The following MUC17 variants were observed in gnomAD, a reference collection of about 807,000 sequenced individuals.
MUC17 encodes the protein mucin 17, cell surface associated.
A neutral mutation model predicts 170.3 loss-of-function variants in MUC17; 190 were observed. That is an observed-to-expected ratio of 1.12 (90% CI 0.99 to 1.26). MUC17 has a LOEUF of 1.26. MUC17 is among the 50% of genes most tolerant of loss of function. MUC17 has a pLI of 0.00. For synonymous variants in MUC17, 2,325 were observed against 2,002.5 expected (o/e 1.16, Z -4.30); for missense variants, 6,415 against 5,530.0 (o/e 1.16, Z -5.08).
chr7:101,042,536 C>T lies in MUC17; in HGVS notation c.11120C>T (p.Thr3707Ile), dbSNP rs1481922197. The T allele has an allele frequency of 1.9e-6, 3 of 1,614,072 alleles. No individual in the cohort carries two copies. Among genetic ancestry groups the T allele is most frequent in the East Asian group, 2.2e-5 (1 of 44,862 alleles). The change falls in exon 3 of 13, where the codon ACC becomes ATC. Residue 3707 changes from threonine to isoleucine, a missense_variant. By Grantham distance (89) the Thr-to-Ile change is moderately conservative. Coordinates refer to ENST00000306151, the MANE Select transcript of MUC17 (RefSeq NM_001040105.2). The part of the protein sequence containing the change: ...TTMPVSTTRV[T>I]SSEGSTLSTP... ...ATGCCTGTCAGCACCACACGTGTGA[C>T]CAGCTCTGAGGGTAGCACCCTTTCA... is the stretch of plus-strand genomic sequence containing the variant.
chr7:101,033,252 A>G lies in MUC17; in HGVS notation c.1836A>G (p.Thr612=), dbSNP rs1176705889. 24 of 1,614,092 alleles carry G rather than the reference A, an allele frequency of 1.5e-5. No individual in the cohort carries two copies. Among genetic ancestry groups the G allele is most frequent in the Non-Finnish European group, 2.0e-5 (24 of 1,180,030 alleles). Residue 612 remains threonine (T), a synonymous_variant, in exon 3 of 13, where the codon ACA becomes ACG. Transcript: ENST00000306151. The part of the protein sequence containing the change: ...TTSSEASSSS[T]TAEGTSMPTS... ...CTAGTGAAGCTAGTTCATCTTCTAC[A>G]ACTGCTGAAGGTACCAGCATGCCAA...
intron 1 of MUC17, among the ~76,000 whole-genome samples, chr7:101,030,230 C>CTTTTT (rs57980303): frequency 2.2e-5 from 3 of 136,188 alleles, no homozygotes; most frequent in African/African-American, 5.4e-5. Context: ...ACAATGTTGG[C>CTTTTT]TTTTTTTTTT....
At position 101,036,111 on chromosome 7, in the gene MUC17, C is replaced by A. The variant is rs1048874635; in HGVS notation, c.4695C>A (p.Thr1565=). The A allele has an allele frequency of 1.9e-6, 3 of 1,612,210 alleles. No individual in the cohort carries two copies. The highest frequency in any genetic ancestry group is 2.7e-5 in the African/African-American group (2 of 74,976). ...PTTADGTSMQ[T]STYSEGSTPL... is the part of the protein sequence containing the mutation. ...CTGCTGACGGTACCAGCATGCAAACCTCAACTTATAGTGAAGGAAGCACTC... is the reference window on the plus strand; with the variant it reads ...CTGCTGACGGTACCAGCATGCAAACATCAACTTATAGTGAAGGAAGCACTC... Residue 1565 remains threonine (T), a synonymous_variant, in exon 3 of 13, where the codon ACC becomes ACA. Coordinates refer to ENST00000306151, the MANE Select transcript of MUC17 (RefSeq NM_001040105.2).
chr7:101,040,891 C>T lies in MUC17; in HGVS notation c.9475C>T (p.Pro3159Ser), dbSNP rs59164007. The T allele has an allele frequency of 9.7e-4, 1,571 of 1,613,450 alleles. 10 individuals are homozygous for T. The African/African-American group carries it at 0.017, about 17-fold the overall frequency. ...SEGTSMPTST[P>S]SEGSTPLTYM... ...AGGTACCAGCATGCCAACCTCAACT[C>T]CTAGTGAAGGAAGTACTCCATTAAC... is the stretch of plus-strand genomic sequence containing the variant. The change falls in exon 3 of 13, where the codon CCT becomes TCT. Residue 3159 changes from proline (P) to serine (S), a missense_variant. Coordinates refer to ENST00000306151, the MANE Select transcript of MUC17 (RefSeq NM_001040105.2).
Position 101,034,840 on chromosome 7 carries a change from C to A in MUC17, c.3424C>A (p.Pro1142Thr). 1 of 1,609,848 alleles carries A rather than the reference C, an allele frequency of 6.2e-7. No individual in the cohort carries two copies. Among genetic ancestry groups the A allele is most frequent in the South Asian group, 1.1e-5 (1 of 90,944 alleles). Reference sequence around the variant, plus strand: ...CACTTCTACTGAAGCCAGTTCATCTCCTACAACTGCTGAAGGTACCAGCAT... The same window carrying A: ...CACTTCTACTGAAGCCAGTTCATCTACTACAACTGCTGAAGGTACCAGCAT... ...VTTSTEASSS[P>T]TTAEGTSIPT... Residue 1142 changes from proline to threonine, a missense_variant, in exon 3 of 13, where the codon CCT (proline) becomes ACT (threonine). Coordinates refer to ENST00000306151, the MANE Select transcript of MUC17 (RefSeq NM_001040105.2).
chr7:101,046,316 C>T (rs1562821053), intron 3 of MUC17, among the ~76,000 whole-genome samples: 1 of 152,198 alleles, frequency 6.6e-6, no homozygotes, highest in Admixed American at 6.5e-5. Context: ...AGACAAAATA[C>T]ACCTTGAATA....
At chr7:101,046,269 T>A (rs1584874026) in intron 3 of MUC17, among the ~76,000 whole-genome samples, 1 of 152,140 alleles carries the variant, frequency 6.6e-6, no homozygotes, top group Non-Finnish European at 1.5e-5. Context: ...GTGAGGCAGG[T>A]CTTTGCAGAG....
rs777280396 is a variant in MUC17, at chr7:101,037,862, C to G, written c.6446C>G (p.Thr2149Ser). ...TCATCTCCTATACCTACTGAAGGTA[C>G]CAGCATGCAAACCTCAACTTATAGT... The part of the protein sequence containing the change: ...VSSSPIPTEG[T>S]SMQTSTYSDR... Residue 2149 changes from threonine to serine, a missense_variant, in exon 3 of 13, where the codon ACC (threonine) becomes AGC (serine). Coordinates refer to ENST00000306151, the MANE Select transcript of MUC17 (RefSeq NM_001040105.2). 5.0e-6 allele frequency: 8 copies of G among 1,610,852 alleles called. No homozygotes were observed. The highest frequency in any genetic ancestry group is 1.3e-5 in the African/African-American group (1 of 74,778).
Position 101,035,510 on chromosome 7 carries a change from G to C in MUC17, c.4094G>C (p.Ser1365Thr). 1 of 1,596,288 alleles carries C rather than the reference G, an allele frequency of 6.3e-7. No individual in the cohort carries two copies. The change falls in exon 3 of 13, where the codon AGC becomes ACC. Residue 1365 changes from serine to threonine, a missense_variant. Ser to Thr is a moderately conservative substitution (Grantham distance 58). Transcript: ENST00000306151. ...SILSTTPVDN[S>T]TPVTTSTEAC... The stretch of plus-strand genomic sequence containing the variant: ...CTTTCAACAACTCCTGTTGACAACA[G>C]CACACCTGTGACCACTTCTACTGAA...
Position 101,042,523 on chromosome 7 carries a change from AC to A in MUC17, c.11109del (p.Thr3704HisfsTer3). ...TCCATTAACAACTATGCCTGTCAGC[AC>A]CACACGTGTGACCAGCTCTGAGGGT... ...STPLTTMPVS[T>X]TRVTSSEGST... On this transcript the variant is annotated frameshift_variant, in exon 3 of 13. Coordinates refer to ENST00000306151, the MANE Select transcript of MUC17 (RefSeq NM_001040105.2). LOFTEE classifies it high-confidence loss of function. 2.5e-6 allele frequency: 4 copies of A among 1,614,030 alleles called. No homozygotes were observed. Among genetic ancestry groups the A allele is most frequent in the Non-Finnish European group, 3.4e-6 (4 of 1,180,002 alleles).
chr7:101,047,785 C>T (rs1050651661), intron 3 of MUC17, among the ~76,000 whole-genome samples, 199 bp from the exon 4 acceptor site: 1 of 152,108 alleles, frequency 6.6e-6, no homozygotes, highest in African/African-American at 2.4e-5. Flanking sequence ...GAGCCAAGAT[C>T]GCGCCATTGC....
Position 101,041,712 on chromosome 7 carries a change from T to C in MUC17, c.10296T>C (p.Thr3432=), listed in dbSNP as rs1794710595. The C allele has an allele frequency of 1.9e-6, 3 of 1,613,482 alleles. No homozygotes were observed. Among genetic ancestry groups the C allele is most frequent in the Middle Eastern group, 1.6e-4 (1 of 6,078 alleles). ...TPVDSNTLVT[T]STEASSSPTI... ...TGGACTCCAACACTCTGGTGACCACTTCTACTGAAGCCAGTTCATCTCCTA... is the reference window on the plus strand; with the variant it reads ...TGGACTCCAACACTCTGGTGACCACCTCTACTGAAGCCAGTTCATCTCCTA... The change falls in exon 3 of 13, where the codon ACT becomes ACC. Residue 3432 remains threonine, a synonymous_variant. Transcript: ENST00000306151.
At chr7:101,054,269 G>A (rs1315521762) in intron 11 of MUC17, among the ~76,000 whole-genome samples, 1 of 152,082 alleles carries the variant, frequency 6.6e-6, no homozygotes, top group Non-Finnish European at 1.5e-5. Context: ...GTTCCTTGAG[G>A]GTGGTAGATT....
At chr7:101,047,702 G>A (rs533204239) in intron 3 of MUC17, among the ~76,000 whole-genome samples, 5 of 152,176 alleles carry the variant, frequency 3.3e-5, no homozygotes, top group South Asian at 2.1e-4. Context: ...GTGGTGGCAC[G>A]CGCCTGTAAT....
chr7:101,042,821 C>T lies in MUC17; in HGVS notation c.11405C>T (p.Thr3802Ile), dbSNP rs1341838215. ...TCTCCTACAACTCTTGAAGGCACCA[C>T]CACCATGCCTATGTCAACTACGAGT... ...SSSPTTLEGT[T>I]TMPMSTTSER... The change falls in exon 3 of 13, where the codon ACC becomes ATC. Residue 3802 changes from threonine to isoleucine, a missense_variant. Physicochemically the swap from Thr to Ile is moderately conservative, Grantham distance 89. Transcript: ENST00000306151. 2 of 1,614,206 alleles carry T rather than the reference C, an allele frequency of 1.2e-6. No homozygotes were observed. The highest frequency in any genetic ancestry group is 1.1e-5 in the South Asian group (1 of 91,078).
chr7:101,045,841 C>A (rs908795416), intron 3 of MUC17, among the ~76,000 whole-genome samples: 1 of 152,204 alleles, frequency 6.6e-6, no homozygotes, highest in Non-Finnish European at 1.5e-5. Context: ...AGGTGTCTCA[C>A]GACAAAGGCC....
rs1338166039 is a variant in MUC17 at position 101,036,905 on chromosome 7, C to T, written c.5489C>T (p.Thr1830Ile). 6.2e-7 allele frequency: 1 copy of T among 1,612,922 alleles called. No homozygotes were observed. Among genetic ancestry groups the T allele is most frequent in the Non-Finnish European group, 8.5e-7 (1 of 1,179,392 alleles). ...VANSEASTLS[T>I]TPVDSNSPVV... Reference sequence around the variant, plus strand: ...AATTCTGAGGCTAGCACCCTTTCAACAACTCCTGTTGACTCTAACAGTCCT... The same window carrying T: ...AATTCTGAGGCTAGCACCCTTTCAATAACTCCTGTTGACTCTAACAGTCCT... The change falls in exon 3 of 13, where the codon ACA (threonine) becomes ATA (isoleucine). Residue 1830 changes from threonine (T) to isoleucine (I), a missense_variant. By Grantham distance (89) the Thr-to-Ile change is moderately conservative (BLOSUM62 -1). Coordinates refer to ENST00000306151, the MANE Select transcript of MUC17 (RefSeq NM_001040105.2).
chr7:101,031,235 C>A lies in MUC17; in HGVS notation c.184+14C>A. On this transcript the variant is annotated intron_variant, in intron 2 of 12. Coordinates refer to ENST00000306151, the MANE Select transcript of MUC17 (RefSeq NM_001040105.2). ...ACGTTAGGACAGGTAAGGCAACAGACTCCAAGATCTATCTGGGAAGGTGGC... is the reference window on the plus strand; with the variant it reads ...ACGTTAGGACAGGTAAGGCAACAGAATCCAAGATCTATCTGGGAAGGTGGC... 1 of 1,606,304 alleles carries A rather than the reference C, an allele frequency of 6.2e-7. No individual in the cohort carries two copies. Among genetic ancestry groups the A allele is most frequent in the Non-Finnish European group, 8.5e-7 (1 of 1,176,000 alleles).
chr7:101,040,831 T>C lies in MUC17; in HGVS notation c.9415T>C (p.Ser3139Pro). The change falls in exon 3 of 13, where the codon TCT (serine) becomes CCT (proline). Residue 3139 changes from serine to proline, a missense_variant. Physicochemically the swap from Ser to Pro is moderately conservative, Grantham distance 74. Transcript: ENST00000306151. ...TGACACCAGCACACCTGTGACCACT[T>C]CTACTGAAGCCCATTCATCTCCTAC... ...PVDTSTPVTT[S>P]TEAHSSPTTS... The C allele has an allele frequency of 6.2e-7, 1 of 1,613,714 alleles. No individual in the cohort carries two copies. The highest frequency in any genetic ancestry group is 8.5e-7 in the Non-Finnish European group (1 of 1,179,854).
Sources: allele counts gnomAD v4.1 joint callset (sites outside exome capture counted in the v4.1 genomes callset), GRCh38; gene constraint gnomAD v4.1.1; transcripts MANE v1.5; gene names NCBI Gene and HGNC (gene_info 2026-07-23, HGNC 2026-07-21).